Variants in CACNB2 observed in about 807,000 individuals in gnomAD.
The protein encoded by CACNB2 is voltage-dependent L-type calcium channel subunit beta-2.
Under a neutral mutation model 73.3 loss-of-function variants are expected in CACNB2, and 42 were observed. The ratio of observed to expected loss-of-function variants is 0.57; its 90% CI spans 0.45 to 0.74. CACNB2 has a LOEUF of 0.74. CACNB2 is among the 30% of genes least tolerant of loss of function. The pLI, the probability that CACNB2 is intolerant of heterozygous loss-of-function variation, is 0.00. For synonymous variants in CACNB2, 348 were observed against 310.3 expected, an observed-to-expected ratio of 1.12 and a Z score of -1.28; for missense variants, 940 against 853.0, an observed-to-expected ratio of 1.10 and a Z score of -1.27.
At chr10:18,300,505 TTGTGTTTA>T (rs1377225396) in intron 2 of CACNB2, among the ~76,000 whole-genome samples, 1 of 152,240 alleles carries the variant, frequency 6.6e-6, no homozygotes, top group African/African-American at 2.4e-5. Context: ...TAAAATACAT[TTGTGTTTA>T]TGTTACTAAA....
At position 18,313,722 on chromosome 10, in the gene CACNB2, A is replaced by G. The variant is rs192793211; in HGVS notation, c.214-88202A>G. ...CACTAAAGCCATAAAGCCATCGGCT[A>G]TCACTCCTTCTTGTGAGCCTGACTT... On this transcript the variant is annotated intron_variant, in intron 2 of 13. Coordinates refer to ENST00000324631, the MANE Select transcript of CACNB2 (RefSeq NM_201596.3). Among the ~76,000 whole-genome samples the G allele has an allele frequency of 3.3e-4, 51 of 152,372 alleles. No individual in the cohort carries two copies. The East Asian group carries it at 8.7e-3, about 26-fold the overall frequency.
intron 2 of CACNB2, among the ~76,000 whole-genome samples, chr10:18,176,636 G>A (rs1450767004): frequency 6.6e-6 from 1 of 150,610 alleles, no homozygotes; most frequent in Non-Finnish European, 1.5e-5. Flanking sequence ...GTAAGTCTGT[G>A]AAGGTGGGTT....
At chr10:18,179,603 ATTTTT>A (rs11291909) in intron 2 of CACNB2, among the ~76,000 whole-genome samples, 2 of 146,894 alleles carry the variant, frequency 1.4e-5, no homozygotes, top group African/African-American at 5.0e-5. Flanking sequence ...AAATCAGCAG[ATTTTT>A]TTTTTTTTTA....
At chr10:18,188,083 A>G (rs960753800) in intron 2 of CACNB2, among the ~76,000 whole-genome samples, 2 of 152,210 alleles carry the variant, frequency 1.3e-5, no homozygotes, top group Admixed American at 1.3e-4. Context: ...CATCAACAAC[A>G]AATGTACCAC....
chr10:18,405,930 C>T (rs1428888793), intron 3 of CACNB2, among the ~76,000 whole-genome samples: 1 of 150,888 alleles, frequency 6.6e-6, no homozygotes, highest in African/African-American at 2.5e-5. Context: ...CTCACGTGTG[C>T]AACAGAGCAA....
intron 2 of CACNB2, among the ~76,000 whole-genome samples, chr10:18,391,140 A>T (rs1033441688): frequency 6.6e-6 from 1 of 152,234 alleles, no homozygotes; most frequent in African/African-American, 2.4e-5. Context: ...TATTTAATCA[A>T]CTGGCCTATA....
intron 3 of CACNB2, among the ~76,000 whole-genome samples, chr10:18,468,790 G>T (rs112571313): frequency 0.039 from 5,973 of 152,006 alleles, 132 homozygotes; most frequent in African/African-American, 0.054. Flanking sequence ...GTAAAGATGG[G>T]GTTTCTGCAT....
intron 2 of CACNB2, among the ~76,000 whole-genome samples, chr10:18,176,170 A>C (rs1402873611): frequency 6.6e-6 from 1 of 152,166 alleles, no homozygotes; most frequent in African/African-American, 2.4e-5. Context: ...CAATTGTACC[A>C]GTGCATATTT....
chr10:18,477,981 C>T (rs970043502), intron 3 of CACNB2, among the ~76,000 whole-genome samples: 2 of 152,120 alleles, frequency 1.3e-5, no homozygotes, highest in Admixed American at 1.3e-4. Flanking sequence ...GTTGCCCAGG[C>T]TGGAGTGCAA....
chr10:18,280,136 A>G (rs917957345), intron 2 of CACNB2, among the ~76,000 whole-genome samples: 3 of 152,190 alleles, frequency 2.0e-5, no homozygotes, highest in Non-Finnish European at 4.4e-5. Context: ...GTGGCCACTT[A>G]TTCAAAGTAG....
intron 3 of CACNB2, among the ~76,000 whole-genome samples, chr10:18,496,327 A>T (rs926139480): frequency 1.3e-5 from 2 of 152,130 alleles, no homozygotes; most frequent in South Asian, 4.1e-4. Context: ...CCATAGTAAC[A>T]TCAGGGATCT....
intron 2 of CACNB2, among the ~76,000 whole-genome samples, chr10:18,309,124 A>G (rs1049239372): frequency 6.6e-6 from 1 of 152,202 alleles, no homozygotes; most frequent in Admixed American, 6.5e-5. Flanking sequence ...GTCATTTGAT[A>G]TGTTTCTGAA....
chr10:18,206,500 C>G (rs2131333221), intron 2 of CACNB2: 1 of 152,538 alleles, frequency 6.6e-6, no homozygotes, highest in South Asian at 2.1e-4. Flanking sequence ...TCACTTCTTT[C>G]TCTCCCATTC....
chr10:18,182,998 CT>C lies in CACNB2; in HGVS notation c.213+32034del, dbSNP rs113393018. Among the ~76,000 whole-genome samples the C allele has an allele frequency of 4.1e-3, 603 of 146,642 alleles. 4 individuals are homozygous for C. Among genetic ancestry groups the C allele is most frequent in the African/African-American group, 0.013 (538 of 40,086 alleles). On this transcript the variant is annotated intron_variant, in intron 2 of 13. Transcript: ENST00000324631. The stretch of plus-strand genomic sequence containing the variant: ...TAGTATACAAATTGAATTGTAACAT[CT>C]TTTTTTTTTTAATTAGGAGAAGCAG...
At chr10:18,407,822 G>C (rs553335812) in intron 3 of CACNB2, among the ~76,000 whole-genome samples, 2 of 152,002 alleles carry the variant, frequency 1.3e-5, no homozygotes, top group East Asian at 1.9e-4. Flanking sequence ...TTCATTTATA[G>C]CTTCTTGTTT....
chr10:18,420,456 T>C (rs191408037), intron 3 of CACNB2, among the ~76,000 whole-genome samples: 23 of 152,228 alleles, frequency 1.5e-4, no homozygotes, highest in Admixed American at 1.4e-3. Flanking sequence ...GGAAGGCTGA[T>C]GGTATAATTC....
intron 2 of CACNB2, among the ~76,000 whole-genome samples, chr10:18,339,097 C>T (rs934754020): frequency 3.9e-5 from 6 of 151,996 alleles, no homozygotes; most frequent in African/African-American, 1.5e-4. Flanking sequence ...CATTCATGCA[C>T]CTCCCTGTGT....
In CACNB2 at chr10:18,534,057, A is replaced by G; in HGVS notation, c.1055-19A>G. The G allele has an allele frequency of 1.9e-6, 3 of 1,613,824 alleles. No individual in the cohort carries two copies. Among genetic ancestry groups the G allele is most frequent in the African/African-American group, 1.3e-5 (1 of 75,036 alleles). On this transcript the variant is annotated intron_variant, in intron 10 of 13. Coordinates refer to ENST00000324631, the MANE Select transcript of CACNB2 (RefSeq NM_201596.3). ...CTTAAAAATACTGCACTTTAACTGA[A>G]TTGTTTCGCCCTTTACAGCGGAAGT...
chr10:18,294,826 T>TTAG (rs2039211156), intron 2 of CACNB2, among the ~76,000 whole-genome samples: 1 of 152,186 alleles, frequency 6.6e-6, no homozygotes, highest in Non-Finnish European at 1.5e-5. Flanking sequence ...TTGCATATCT[T>TTAG]TAGTAGTTCT....
Sources: gnomAD v4.1 joint callset for allele counts (sites outside exome capture counted in the v4.1 genomes callset) on GRCh38, gnomAD v4.1.1 for gene constraint, MANE v1.5 for transcripts, NCBI Gene and HGNC (gene_info 2026-07-23, HGNC 2026-07-21) for gene names.